STN1: variants seen among roughly 807,000 people sequenced by gnomAD.
STN1 encodes the protein CST complex subunit STN1.
STN1 carries 29 observed loss-of-function variants against 45.5 expected under a neutral mutation model. That is an observed-to-expected ratio of 0.64 (90% confidence interval 0.47 to 0.87). The LOEUF is 0.87. Ranked by LOEUF, STN1 falls within the 40% of genes least tolerant of loss-of-function variation. The pLI is 0.00. For synonymous variants in STN1, 148 were observed against 159.0 expected, an observed-to-expected ratio of 0.93 and a Z score of 0.52; for missense variants, 376 against 441.4, an observed-to-expected ratio of 0.85 and a Z score of 1.33.
At chr10:103,905,724 T>C (rs756545518) in intron 3 of STN1, among the ~76,000 whole-genome samples, 5 of 152,202 alleles carry the variant, frequency 3.3e-5, no homozygotes, top group Non-Finnish European at 4.4e-5. Flanking sequence ...CCGCAGGGGC[T>C]GTAAGGAAAG....
At chr10:103,888,336 T>C (rs897919451) in intron 9 of STN1, among the ~76,000 whole-genome samples, 9 of 152,206 alleles carry the variant, frequency 5.9e-5, no homozygotes, top group African/African-American at 2.2e-4. Context: ...CTTATTATAG[T>C]ATGTGTTTGC....
rs184700743 is a variant in STN1 at position 103,910,696 on chromosome 10, G to T, written c.134-74C>A. On this transcript the variant is annotated intron_variant, in intron 2 of 9. Transcript: ENST00000224950. Reference sequence around the variant, plus strand: ...TGCTTCAATAAATCTTAACTTGTAGGGGGGAAGGGAGTGTAAAAAAATCAA... The same window carrying T: ...TGCTTCAATAAATCTTAACTTGTAGTGGGGAAGGGAGTGTAAAAAAATCAA... 1.5e-5 allele frequency: 12 copies of T among 790,738 alleles called. No homozygotes were observed. In the Admixed American group the frequency reaches 2.0e-4, roughly 13 times the overall value. 49.0% of individuals were successfully genotyped at this position (790,738 alleles called of 1,614,324 possible).
At chr10:103,904,450 TAA>T (rs35731846) in intron 4 of STN1, among the ~76,000 whole-genome samples, 9 of 142,368 alleles carry the variant, frequency 6.3e-5, no homozygotes, top group Admixed American at 1.4e-4. Context: ...AACCTAACTT[TAA>T]AAAAAAAAAA....
chr10:103,896,002 G>A (rs1843168728), intron 7 of STN1, among the ~76,000 whole-genome samples: 1 of 152,186 alleles, frequency 6.6e-6, no homozygotes, highest in Admixed American at 6.5e-5. Flanking sequence ...TGAAACAGAA[G>A]GGGCTACAGT....
rs943793681 is a variant in STN1 at position 103,880,119 on chromosome 10, T to C, written c.*2565A>G. 1.3e-5 allele frequency among the ~76,000 whole-genome samples: 2 copies of C among 152,196 alleles called. No individual in the cohort carries two copies. The highest frequency in any genetic ancestry group is 4.1e-4 in the South Asian group (2 of 4,836). ...GCCCAGCACCAAAGAAGAATGAGAA[T>C]GTGCTGACAGTGGAAGAGTGAGCAA... is the stretch of plus-strand genomic sequence containing the variant. On this transcript the variant is annotated 3_prime_UTR_variant, in exon 10 of 10. Transcript: ENST00000224950.
At chr10:103,904,397 C>T (rs1224220468) in intron 4 of STN1, among the ~76,000 whole-genome samples, 1 of 151,372 alleles carries the variant, frequency 6.6e-6, no homozygotes. Flanking sequence ...AGGAGGATCA[C>T]TTGTGTCCAG....
Position 103,917,502 on chromosome 10 carries a change from G to A in STN1, c.93C>T (p.Ile31=). The A allele has an allele frequency of 6.2e-7, 1 of 1,614,078 alleles. No homozygotes were observed. Among genetic ancestry groups the A allele is most frequent in the South Asian group, 1.1e-5 (1 of 91,080 alleles). The change falls in exon 2 of 10, where the codon ATC becomes ATT. Residue 31 remains isoleucine (I), a synonymous_variant. Coordinates refer to ENST00000224950, the MANE Select transcript of STN1 (RefSeq NM_024928.5). The part of the protein sequence containing the change: ...PVFLAFAKLY[I]RDILDMKESR... ...ACTCCTTCATGTCCAGGATATCCCTGATGTAGAGTTTTGCAAAGGCTAGAA... is the reference window on the plus strand; with the variant it reads ...ACTCCTTCATGTCCAGGATATCCCTAATGTAGAGTTTTGCAAAGGCTAGAA...
rs567432800 is a variant in STN1, at chr10:103,893,416, C to T, written c.754-1164G>A. On this transcript the variant is annotated intron_variant, in intron 7 of 9. Transcript: ENST00000224950. Reference sequence around the variant, plus strand: ...ATCTCCCGACCTCGTGATCCACCCGCCTCGGCCTCTCAAAGTGCTGGGATT... The same window carrying T: ...ATCTCCCGACCTCGTGATCCACCCGTCTCGGCCTCTCAAAGTGCTGGGATT... Among the ~76,000 whole-genome samples, 6 of 152,312 alleles carry T rather than the reference C, an allele frequency of 3.9e-5. No individual in the cohort carries two copies. In the South Asian group the frequency reaches 8.3e-4, roughly 21 times the overall value.
At chr10:103,897,790 C>G (rs1306186555) in intron 6 of STN1, 71 bp from the exon 7 acceptor site, 4 of 1,508,092 alleles carry the variant, frequency 2.7e-6, no homozygotes, top group Admixed American at 2.0e-5. Context: ...GTATAAAAAC[C>G]AGAAAATTAG....
Position 103,877,785 on chromosome 10 carries a change from C to A in STN1, c.*4899G>T, listed in dbSNP as rs1346689482. ...TTTGTCCACAGACACCATCTCCCTT[C>A]AGGATGGTCCTGCTTTTCCCCCAGC... On this transcript the variant is annotated 3_prime_UTR_variant, in exon 10 of 10. Coordinates refer to ENST00000224950, the MANE Select transcript of STN1 (RefSeq NM_024928.5). The A allele has an allele frequency of 6.6e-6, 1 of 152,272 alleles. No individual in the cohort carries two copies. The highest frequency in any genetic ancestry group is 1.5e-5 in the Non-Finnish European group (1 of 68,056). The allele number at this position is 152,272 out of a possible 1,614,324, so 9.4% of individuals were successfully genotyped here.
intron 8 of STN1, among the ~76,000 whole-genome samples, chr10:103,891,720 G>C (rs1843140833): frequency 6.6e-6 from 1 of 152,202 alleles, no homozygotes; most frequent in African/African-American, 2.4e-5. Flanking sequence ...TAAATGTCTA[G>C]AAGGATATAC....
chr10:103,896,597 G>A (rs1843172438), intron 7 of STN1, among the ~76,000 whole-genome samples: 2 of 152,098 alleles, frequency 1.3e-5, no homozygotes, highest in South Asian at 2.1e-4. Context: ...AATAAAACTA[G>A]GGGTAAAAAC....
chr10:103,893,886 C>T (rs1267890382), intron 7 of STN1, among the ~76,000 whole-genome samples: 1 of 152,194 alleles, frequency 6.6e-6, no homozygotes, highest in Non-Finnish European at 1.5e-5. Context: ...AGCTGGAGAA[C>T]CTTGTCATTA....
chr10:103,895,740 G>A (rs1007761376), intron 7 of STN1, among the ~76,000 whole-genome samples: 1 of 152,212 alleles, frequency 6.6e-6, no homozygotes, highest in South Asian at 2.1e-4. Flanking sequence ...ATGTGACTCA[G>A]TATCTGTTCC....
At chr10:103,910,384 T>C (rs1843281714) in intron 3 of STN1, 143 bp downstream of exon 3, 2 of 512,756 alleles carry the variant, frequency 3.9e-6, no homozygotes, top group African/African-American at 1.9e-5. Flanking sequence ...TCTGGGGCTA[T>C]AAGGGGCACC....
chr10:103,911,013 G>A (rs1843286962), intron 2 of STN1, among the ~76,000 whole-genome samples: 2 of 33,908 alleles, frequency 5.9e-5, no homozygotes, highest in Admixed American at 1.2e-3. Flanking sequence ...GGCTTCTTTG[G>A]CTTTTTTTTT....
chr10:103,877,851 C>CAAA lies in STN1; in HGVS notation c.*4832_*4833insTTT, dbSNP rs1271921165. On this transcript the variant is annotated 3_prime_UTR_variant, in exon 10 of 10. Transcript: ENST00000224950. The stretch of plus-strand genomic sequence containing the variant: ...TCTGGCGAGCCTTATCACAGTCTTT[C>CAAA]TGAGTTTGCCTGTATGCTTCACATA... 8 of 152,364 alleles carry CAAA rather than the reference C, an allele frequency of 5.3e-5. No homozygotes were observed. Among genetic ancestry groups the CAAA allele is most frequent in the African/African-American group, 1.7e-4 (7 of 41,572 alleles). The allele number at this position is 152,364 out of a possible 1,614,324, so 9.4% of individuals were successfully genotyped here.
At chr10:103,914,563 A>G (rs1843315988) in intron 2 of STN1, among the ~76,000 whole-genome samples, 4 of 151,532 alleles carry the variant, frequency 2.6e-5, no homozygotes, top group Admixed American at 2.6e-4. Context: ...TTTGTTGCCC[A>G]GGCTGGTCTT....
chr10:103,881,024 T>C lies in STN1; in HGVS notation c.*1660A>G, dbSNP rs147386638. ...CTATAGAAACAGATCTATAACTCTA[T>C]CTACTTCCCACTAAATCTACTAGGG... On this transcript the variant is annotated 3_prime_UTR_variant, in exon 10 of 10. Coordinates refer to ENST00000224950, the MANE Select transcript of STN1 (RefSeq NM_024928.5). 2.1e-4 allele frequency among the ~76,000 whole-genome samples: 32 copies of C among 152,306 alleles called. No homozygotes were observed. In the South Asian group the frequency reaches 3.3e-3, roughly 16 times the overall value.
Sources: gnomAD v4.1 joint callset for allele counts (sites outside exome capture counted in the v4.1 genomes callset) on GRCh38, gnomAD v4.1.1 for gene constraint, MANE v1.5 for transcripts, NCBI Gene and HGNC (gene_info 2026-07-23, HGNC 2026-07-21) for gene names.